The following ELAVL2 variants were observed in gnomAD, a reference collection of about 807,000 sequenced individuals.
ELAVL2 encodes ELAV-like protein 2.
ELAVL2 carries 4 observed loss-of-function variants against 34.6 expected under a neutral mutation model. The ratio of observed to expected loss-of-function variants is 0.12; its 90% CI spans 0.06 to 0.26. The LOEUF (loss-of-function observed/expected upper bound fraction) is 0.26, where lower values mean the gene tolerates loss of function less well. Ranked by LOEUF, ELAVL2 falls within the 10% of genes least tolerant of loss-of-function variation. ELAVL2 has a pLI of 1.00. For missense variants in ELAVL2, 432 were observed against 442.8 expected (o/e 0.98, Z 0.22); for synonymous variants, 193 against 154.8 (o/e 1.25, Z -1.83).
At chr9:23,700,330 G>T (rs1393983244) in intron 5 of ELAVL2, among the ~76,000 whole-genome samples, 2 of 152,178 alleles carry the variant, frequency 1.3e-5, no homozygotes, top group Non-Finnish European at 2.9e-5. Flanking sequence ...ACTTGCTTAT[G>T]AAACCAAAAA....
At chr9:23,771,018 A>C (rs376900968) in intron 1 of ELAVL2, among the ~76,000 whole-genome samples, 3 of 152,182 alleles carry the variant, frequency 2.0e-5, no homozygotes, top group Non-Finnish European at 4.4e-5. Flanking sequence ...ACAAAAAAGG[A>C]AACTATAAAA....
chr9:23,850,090 G>T, the ELAVL2 span, among the ~76,000 whole-genome samples: 1 of 148,304 alleles, frequency 6.7e-6, no homozygotes, highest in Non-Finnish European at 1.5e-5. Context: ...AAGACGCACG[G>T]TTCAGAACAT....
intron 1 of ELAVL2, among the ~76,000 whole-genome samples, chr9:23,763,510 T>A (rs1253251934): frequency 1.3e-5 from 2 of 152,218 alleles, no homozygotes; most frequent in East Asian, 3.9e-4. Flanking sequence ...ATTGACGGGA[T>A]GCTAGTTTTA....
intron 3 of ELAVL2, among the ~76,000 whole-genome samples, chr9:23,726,131 GAA>G (rs1180396323): frequency 6.6e-6 from 1 of 151,918 alleles, no homozygotes; most frequent in African/African-American, 2.4e-5. Flanking sequence ...AAGCTAGTTA[GAA>G]AAAGGTATAA....
At chr9:23,773,798 T>C (rs2057724749) in intron 1 of ELAVL2, among the ~76,000 whole-genome samples, 1 of 152,160 alleles carries the variant, frequency 6.6e-6, no homozygotes, top group Admixed American at 6.5e-5. Flanking sequence ...TAATTACATA[T>C]ACATATTTTG....
intron 3 of ELAVL2, among the ~76,000 whole-genome samples, chr9:23,718,349 T>C (rs574628893): frequency 1.3e-5 from 2 of 152,274 alleles, no homozygotes; most frequent in East Asian, 1.9e-4. Flanking sequence ...TTTTGGGCCC[T>C]GATTTGACAC....
chr9:23,733,067 T>C (rs551759979), intron 2 of ELAVL2, among the ~76,000 whole-genome samples: 1 of 151,106 alleles, frequency 6.6e-6, no homozygotes, highest in Admixed American at 6.6e-5. Context: ...ATCAGCATAG[T>C]CTAATTGCCC....
intron 1 of ELAVL2, among the ~76,000 whole-genome samples, chr9:23,783,954 G>C (rs1020424617): frequency 1.3e-4 from 20 of 151,630 alleles, no homozygotes; most frequent in African/African-American, 4.6e-4. Flanking sequence ...CAGCACTTTG[G>C]GAGGCTGAGG....
intron 1 of ELAVL2, among the ~76,000 whole-genome samples, chr9:23,818,060 A>C (rs934892817): frequency 7.2e-5 from 11 of 152,214 alleles, no homozygotes; most frequent in Admixed American, 7.2e-4. Context: ...TAGAACATAC[A>C]AAAGTGTGGA....
At chr9:23,742,189 C>G (rs2049367665) in intron 2 of ELAVL2, among the ~76,000 whole-genome samples, 1 of 152,114 alleles carries the variant, frequency 6.6e-6, no homozygotes, top group Admixed American at 6.6e-5. Flanking sequence ...AAAAGCTAAA[C>G]CCAAGATGAC....
chr9:23,765,228 T>C (rs751192712), intron 1 of ELAVL2: 136 of 731,832 alleles, frequency 1.9e-4, no homozygotes, highest in Non-Finnish European at 2.8e-4. Context: ...TTAATTGAAA[T>C]TGAGGCAATT....
chr9:23,777,747 T>A (rs1386459240), intron 1 of ELAVL2, among the ~76,000 whole-genome samples: 1 of 152,188 alleles, frequency 6.6e-6, no homozygotes, highest in Non-Finnish European at 1.5e-5. Context: ...GAAGAACAAC[T>A]GCTCTGCATC....
chr9:23,798,439 C>T (rs1040944753), intron 1 of ELAVL2, among the ~76,000 whole-genome samples: 3 of 151,690 alleles, frequency 2.0e-5, no homozygotes, highest in Non-Finnish European at 2.9e-5. Flanking sequence ...TATAAAATGG[C>T]GGGGGTGGGG....
intron 3 of ELAVL2, among the ~76,000 whole-genome samples, chr9:23,718,225 T>TA (rs2042800775): frequency 6.6e-6 from 1 of 152,154 alleles, no homozygotes; most frequent in Non-Finnish European, 1.5e-5. Flanking sequence ...ATCTTCCTCT[T>TA]AAAGGATGTT....
At chr9:23,698,644 C>A (rs1047124008) in intron 5 of ELAVL2, among the ~76,000 whole-genome samples, 1 of 152,070 alleles carries the variant, frequency 6.6e-6, no homozygotes, top group African/African-American at 2.4e-5. Flanking sequence ...ATATCAGGGA[C>A]AAAATATATC....
chr9:23,827,453 G>T (rs953960497), upstream of ELAVL2, among the ~76,000 whole-genome samples: 3 of 152,102 alleles, frequency 2.0e-5, no homozygotes, highest in African/African-American at 7.2e-5. Context: ...TTTGACCTAC[G>T]TTCTTTTCCA....
rs2050649096 is a variant in ELAVL2, at chr9:23,746,934, T to C, written c.229+15072A>G. 2.6e-5 allele frequency among the ~76,000 whole-genome samples: 4 copies of C among 151,914 alleles called. No homozygotes were observed. The South Asian group carries it at 8.4e-4, about 32-fold the overall frequency. ...TTAGTGGACCAGACTATACTTTACA[T>C]CTTCGCTCAACAAAACAAGCACCAA... On this transcript the variant is annotated intron_variant, in intron 2 of 6. Coordinates refer to ENST00000397312, the MANE Select transcript of ELAVL2 (RefSeq NM_004432.5).
chr9:23,818,465 C>T (rs1183510059), intron 1 of ELAVL2, among the ~76,000 whole-genome samples: 1 of 152,064 alleles, frequency 6.6e-6, no homozygotes, highest in Non-Finnish European at 1.5e-5. Flanking sequence ...AGTACTCACG[C>T]CAAAAATAAA....
At chr9:23,840,162 A>T in the ELAVL2 span, among the ~76,000 whole-genome samples, 2 of 152,170 alleles carry the variant, frequency 1.3e-5, no homozygotes, top group Non-Finnish European at 2.9e-5. Flanking sequence ...TGGGCATTAA[A>T]AATAACCTAC....
Sources: allele counts gnomAD v4.1 joint callset (sites outside exome capture counted in the v4.1 genomes callset), GRCh38; gene constraint gnomAD v4.1.1; transcripts MANE v1.5; gene names NCBI Gene and HGNC (gene_info 2026-07-23, HGNC 2026-07-21).